FAF1: variants seen among roughly 807,000 people sequenced by gnomAD.
FAF1 encodes Fas associated factor 1, also known as FAS-associated factor 1.
FAF1 carries 25 observed loss-of-function variants against 92.5 expected under a neutral mutation model. That is an observed-to-expected ratio of 0.27 (90% CI 0.20 to 0.38). The LOEUF is 0.38. Among genes scored for constraint, FAF1 ranks in the 10% least tolerant of loss-of-function variants. The pLI is 1.00. For synonymous variants in FAF1, 234 were observed against 273.2 expected, an observed-to-expected ratio of 0.86 and a Z score of 1.42; for missense variants, 636 against 793.3, an observed-to-expected ratio of 0.80 and a Z score of 2.38.
chr1:50,619,218 C>A (rs1321422275), intron 8 of FAF1, among the ~76,000 whole-genome samples: 3 of 152,158 alleles, frequency 2.0e-5, no homozygotes, highest in Non-Finnish European at 4.4e-5. Context: ...TTAAGTGAGG[C>A]GTTTAGCCCA....
chr1:50,752,879 T>TCA lies in FAF1; in HGVS notation c.368-8106_368-8105dup, dbSNP rs1659925387. Among the ~76,000 whole-genome samples, 5 of 152,220 alleles carry TCA rather than the reference T, an allele frequency of 3.3e-5. No homozygotes were observed. In the South Asian group the frequency reaches 1.0e-3, roughly 32 times the overall value. On this transcript the variant is annotated intron_variant, in intron 4 of 18. Transcript: ENST00000396153. ...TGTATTTTTCAGTAGAGATGGGGTT[T>TCA]CACCATGTTGGCCAGGCTGGTCTCG...
At chr1:50,666,326 A>C (rs1046650746) in intron 7 of FAF1, among the ~76,000 whole-genome samples, 3 of 151,798 alleles carry the variant, frequency 2.0e-5, no homozygotes, top group Non-Finnish European at 4.4e-5. Context: ...GATCCTCCCA[A>C]CTCAGCCTTC....
intron 1 of FAF1, among the ~76,000 whole-genome samples, chr1:50,882,679 C>T (rs1644623251): frequency 6.6e-6 from 1 of 150,898 alleles, no homozygotes; most frequent in Admixed American, 6.6e-5. Flanking sequence ...TGTAAACACA[C>T]ACAAACTAAA....
intron 8 of FAF1, among the ~76,000 whole-genome samples, chr1:50,605,744 G>A (rs1226245933): frequency 6.6e-6 from 1 of 152,144 alleles, no homozygotes; most frequent in Non-Finnish European, 1.5e-5. Flanking sequence ...AGAAGGGTGA[G>A]GGGGAAAGAG....
chr1:50,951,384 C>T (rs1298022629), intron 1 of FAF1, among the ~76,000 whole-genome samples: 1 of 152,158 alleles, frequency 6.6e-6, no homozygotes, highest in East Asian at 1.9e-4. Flanking sequence ...AAGTACATAC[C>T]TTAAAACTGT....
intron 4 of FAF1, among the ~76,000 whole-genome samples, chr1:50,755,211 A>T (rs938973989): frequency 6.6e-6 from 1 of 152,226 alleles, no homozygotes; most frequent in African/African-American, 2.4e-5. Flanking sequence ...AAAGCAAGTT[A>T]GTTACTTCCT....
At chr1:50,592,024 A>G (rs986710442) in intron 9 of FAF1, among the ~76,000 whole-genome samples, 1 of 152,170 alleles carries the variant, frequency 6.6e-6, no homozygotes, top group African/African-American at 2.4e-5. Flanking sequence ...GCCAGGCACT[A>G]TGCTAGGTGT....
At chr1:50,722,287 T>G (rs1313444156) in intron 6 of FAF1, among the ~76,000 whole-genome samples, 1 of 152,218 alleles carries the variant, frequency 6.6e-6, no homozygotes, top group Non-Finnish European at 1.5e-5. Flanking sequence ...TCTGACCTTT[T>G]GAGCAACCTG....
chr1:50,787,804 A>G (rs1223325746), intron 4 of FAF1, among the ~76,000 whole-genome samples, 196 bp downstream of exon 4: 1 of 152,182 alleles, frequency 6.6e-6, no homozygotes, highest in East Asian at 1.9e-4. Context: ...GAACAAAAAA[A>G]ATTATTCTCA....
intron 1 of FAF1, among the ~76,000 whole-genome samples, chr1:50,935,345 T>C (rs757631445): frequency 5.9e-5 from 9 of 152,208 alleles, no homozygotes; most frequent in Admixed American, 4.6e-4. Context: ...TATTTTTTGA[T>C]AGATAACTTG....
intron 4 of FAF1, among the ~76,000 whole-genome samples, chr1:50,761,267 G>A (rs1214498060): frequency 6.6e-6 from 1 of 152,144 alleles, no homozygotes; most frequent in Admixed American, 6.5e-5. Flanking sequence ...GTATAAGGAG[G>A]AACTGGTACC....
chr1:50,924,345 G>T (rs766761209), intron 1 of FAF1, among the ~76,000 whole-genome samples: 29 of 148,168 alleles, frequency 2.0e-4, no homozygotes, highest in Non-Finnish European at 4.0e-4. Flanking sequence ...AACAACCTAG[G>T]AATCAATTTA....
intron 15 of FAF1, among the ~76,000 whole-genome samples, chr1:50,497,035 G>A (rs1646907366): frequency 6.6e-6 from 1 of 151,980 alleles, no homozygotes; most frequent in African/African-American, 2.4e-5. Context: ...TGATGAAAAT[G>A]AGAAAGCCAC....
intron 2 of FAF1, among the ~76,000 whole-genome samples, chr1:50,824,991 G>A (rs753600888): frequency 2.0e-5 from 3 of 152,016 alleles, no homozygotes; most frequent in Non-Finnish European, 4.4e-5. Context: ...TAGTTAATTA[G>A]TATAAAAATA....
chr1:50,812,461 G>A (rs1268741895), intron 2 of FAF1, among the ~76,000 whole-genome samples: 2 of 152,094 alleles, frequency 1.3e-5, no homozygotes, highest in Non-Finnish European at 2.9e-5. Context: ...CAGCCAGAAA[G>A]CATACGAAAA....
chr1:50,460,400 C>A lies in FAF1; in HGVS notation c.1869+15064G>T, dbSNP rs114915405. ...TTTCCTGTTTAAAATGGTTCCCAAT[C>A]ATAGTGCTGAAGTGCTGTCTAGTGT... is the stretch of plus-strand genomic sequence containing the variant. On this transcript the variant is annotated intron_variant, in intron 18 of 18. Transcript: ENST00000396153. Among the ~76,000 whole-genome samples the A allele has an allele frequency of 1.3e-3, 191 of 152,238 alleles. 2 individuals carry two copies. Among genetic ancestry groups the A allele is most frequent in the African/African-American group, 4.4e-3 (184 of 41,552 alleles).
At chr1:50,870,616 T>G (rs944662923) in intron 1 of FAF1, among the ~76,000 whole-genome samples, 1 of 152,226 alleles carries the variant, frequency 6.6e-6, no homozygotes, top group African/African-American at 2.4e-5. Context: ...TTATTATATA[T>G]ATTATGGTAA....
chr1:50,698,930 G>T (rs975333583), intron 7 of FAF1, among the ~76,000 whole-genome samples: 1 of 151,956 alleles, frequency 6.6e-6, no homozygotes, highest in African/African-American at 2.4e-5. Context: ...GACATAAAAA[G>T]CTTATTGATG....
At chr1:50,518,220 C>G (rs1301714281) in intron 15 of FAF1, among the ~76,000 whole-genome samples, 1 of 152,156 alleles carries the variant, frequency 6.6e-6, no homozygotes, top group African/African-American at 2.4e-5. Flanking sequence ...CAGTGTATAA[C>G]TTTTAGAGAC....
Sources: gnomAD v4.1 joint callset for allele counts (sites outside exome capture counted in the v4.1 genomes callset) on GRCh38, gnomAD v4.1.1 for gene constraint, MANE v1.5 for transcripts, NCBI Gene and HGNC (gene_info 2026-07-23, HGNC 2026-07-21) for gene names.